SH2B2: variants seen among roughly 807,000 people sequenced by gnomAD.
SH2B2 encodes the protein SH2B adapter protein 2.
A neutral mutation model predicts 35.7 loss-of-function variants in SH2B2; 37 were observed. That is an observed-to-expected ratio of 1.04 (90% confidence interval 0.80 to 1.36). The LOEUF (loss-of-function observed/expected upper bound fraction) is 1.36, where lower values mean the gene tolerates loss of function less well. SH2B2 is among the 40% of genes most tolerant of loss of function. The probability of loss-of-function intolerance (pLI) is 0.00; values close to 1 mark genes in which losing one functional copy is unlikely to be tolerated. For synonymous variants in SH2B2, 383 were observed against 376.4 expected (o/e 1.02, Z -0.20); for missense variants, 852 against 817.7 (o/e 1.04, Z -0.51).
intron 7 of SH2B2, among the ~76,000 whole-genome samples, chr7:102,318,946 A>G (rs1793957680): frequency 6.6e-6 from 1 of 152,152 alleles, no homozygotes. Context: ...GGATGGGGGA[A>G]CAAAGGGTGG....
At chr7:102,293,471 A>G (rs375272565) in intron 1 of SH2B2, among the ~76,000 whole-genome samples, 5 of 138,700 alleles carry the variant, frequency 3.6e-5, no homozygotes, top group African/African-American at 6.4e-5. Flanking sequence ...AGAGATGGGG[A>G]AAAAAAAAAC....
chr7:102,295,633 T>C (rs1554552416), intron 1 of SH2B2, among the ~76,000 whole-genome samples: 1 of 152,136 alleles, frequency 6.6e-6, no homozygotes, highest in Admixed American at 6.5e-5. Flanking sequence ...ACCCTATAAC[T>C]GGCACCATGC....
At chr7:102,293,899 AG>A (rs1792796432) in intron 1 of SH2B2, among the ~76,000 whole-genome samples, 1 of 152,112 alleles carries the variant, frequency 6.6e-6, no homozygotes, top group Non-Finnish European at 1.5e-5. Context: ...GCACCAACTC[AG>A]CTGGTCTGTT....
At position 102,317,403 on chromosome 7, in the gene SH2B2, T is replaced by TGTGGGGGGCGCC. The variant is rs1306284269; in HGVS notation, c.1395+9_1395+20dup. On this transcript the variant is annotated intron_variant, in intron 7 of 8. Transcript: ENST00000444095. ...TTCCAGGGCAAGGCCAAGGCAAGTG[T>TGTGGGGGGCGCC]GTGGGGGGCGCCATGGGGGTGCAGT... 6 of 1,555,730 alleles carry TGTGGGGGGCGCC rather than the reference T, an allele frequency of 3.9e-6. No homozygotes were observed. Among genetic ancestry groups the TGTGGGGGGCGCC allele is most frequent in the Non-Finnish European group, 4.4e-6 (5 of 1,143,378 alleles).
chr7:102,307,345 C>G (rs892383449), intron 3 of SH2B2, among the ~76,000 whole-genome samples: 1 of 152,176 alleles, frequency 6.6e-6, no homozygotes, highest in Non-Finnish European at 1.5e-5. Flanking sequence ...TCTGAGGACA[C>G]GGCTCCAGGC....
intron 4 of SH2B2, chr7:102,309,319 CT>C: frequency 2.7e-6 from 1 of 364,496 alleles, no homozygotes; most frequent in Non-Finnish European, 5.4e-6. Context: ...CAAGACCAGC[CT>C]GGGCAACATA....
In SH2B2 at chr7:102,301,025, G is replaced by T; in HGVS notation, c.475G>T (p.Glu159Ter). ...CATGTGGCACCGGCGCGCCTCGCCC[G>T]AGCCCGACGCGGCAGCTGCCCCGCG... ...RDMWHRRASP[E>*]PDAAAAPRTA... The change falls in exon 2 of 9, where the codon GAG (glutamate) becomes TAG (stop). Residue 159 changes from glutamate to a stop codon, truncating the protein, a stop_gained. Coordinates refer to ENST00000444095, the MANE Select transcript of SH2B2 (RefSeq NM_001359228.2). LOFTEE classifies it high-confidence loss of function. The T allele has an allele frequency of 7.2e-7, 1 of 1,387,736 alleles. No individual in the cohort carries two copies. The highest frequency in any genetic ancestry group is 1.5e-5 in the South Asian group (1 of 66,218). The allele number at this position is 1,387,736 out of a possible 1,614,324, so 86.0% of individuals were successfully genotyped here. A position where few individuals can be genotyped will look rare whatever the true frequency, so the allele number is the denominator to read the frequency against.
At position 102,308,782 on chromosome 7, in the gene SH2B2, G is replaced by A. The variant is rs370544505; in HGVS notation, c.832-33G>A. Reference sequence around the variant, plus strand: ...GTGGTCTGGAGCCCATCTGCTGACCGTGTTCTGCACTCCCGGCCACCTTCC... The same window carrying A: ...GTGGTCTGGAGCCCATCTGCTGACCATGTTCTGCACTCCCGGCCACCTTCC... On this transcript the variant is annotated intron_variant, in intron 3 of 8. Coordinates refer to ENST00000444095, the MANE Select transcript of SH2B2 (RefSeq NM_001359228.2). The A allele has an allele frequency of 6.4e-5, 99 of 1,535,608 alleles. 1 individual carries two copies. Among genetic ancestry groups the A allele is most frequent in the Non-Finnish European group, 8.0e-5 (89 of 1,109,138 alleles).
intron 8 of SH2B2, among the ~76,000 whole-genome samples, chr7:102,320,979 G>A (rs1322076287): frequency 1.4e-5 from 2 of 146,396 alleles, no homozygotes; most frequent in African/African-American, 5.6e-5. Context: ...GCGTGTGTGC[G>A]CATATGCATG....
In SH2B2 at chr7:102,317,646, C is replaced by T. The variant is rs549366872; in HGVS notation, c.1395+251C>T. ...TCCAGAAGGGGAGGCCACCTACTGG[C>T]GGCTGAGCCCTCAGGAGGCTGGGCC... On this transcript the variant is annotated intron_variant, in intron 7 of 8. Coordinates refer to ENST00000444095, the MANE Select transcript of SH2B2 (RefSeq NM_001359228.2). Among the ~76,000 whole-genome samples, 331 of 152,318 alleles carry T rather than the reference C, an allele frequency of 2.2e-3. 1 individual carries two copies. Among genetic ancestry groups the T allele is most frequent in the African/African-American group, 7.4e-3 (307 of 41,582 alleles).
chr7:102,315,931 C>T (rs1393051759), intron 6 of SH2B2, among the ~76,000 whole-genome samples: 40 of 151,660 alleles, frequency 2.6e-4, no homozygotes, highest in Admixed American at 2.6e-3. Flanking sequence ...AGCTCTGTGC[C>T]TCAGTTTACC....
chr7:102,310,146 T>C (rs1387021279), intron 4 of SH2B2, among the ~76,000 whole-genome samples: 3 of 151,880 alleles, frequency 2.0e-5, no homozygotes, highest in Non-Finnish European at 4.4e-5. Flanking sequence ...TGAAAACCCA[T>C]CTCTACTAAA....
chr7:102,317,270 C>G lies in SH2B2; in HGVS notation c.1270C>G (p.Arg424Gly). The change falls in exon 7 of 9, where the codon CGG becomes GGG. Residue 424 changes from arginine to glycine, a missense_variant. This residue lies in a region of SH2B2 where 556 missense variants were observed against 514.5 expected (regional missense o/e 1.08). Transcript: ENST00000444095. Reference sequence around the variant, plus strand: ...CCCATGGTTCCACGGGACACTGTCCCGGGTCAAGGCTGCTCAACTGGTTCT... The same window carrying G: ...CCCATGGTTCCACGGGACACTGTCCGGGGTCAAGGCTGCTCAACTGGTTCT... ...DYPWFHGTLS[R>G]VKAAQLVLAG... The G allele has an allele frequency of 6.2e-7, 1 of 1,613,626 alleles. No individual in the cohort carries two copies. Among genetic ancestry groups the G allele is most frequent in the Non-Finnish European group, 8.5e-7 (1 of 1,179,688 alleles).
intron 4 of SH2B2, among the ~76,000 whole-genome samples, chr7:102,309,806 A>G (rs1793548229): frequency 6.6e-6 from 1 of 152,212 alleles, no homozygotes; most frequent in Non-Finnish European, 1.5e-5. Flanking sequence ...TGCCAGGCAG[A>G]GGAAGATGGG....
chr7:102,308,778 G>A, intron 3 of SH2B2, 37 bp from the exon 4 acceptor site: 1 of 1,516,598 alleles, frequency 6.6e-7, no homozygotes. Context: ...CCCATCTGCT[G>A]ACCGTGTTCT....
At chr7:102,301,810 T>C (rs1217896608) in intron 2 of SH2B2, among the ~76,000 whole-genome samples, 1 of 152,130 alleles carries the variant, frequency 6.6e-6, no homozygotes, top group Non-Finnish European at 1.5e-5. Flanking sequence ...TTACCTCAAG[T>C]GATCTGCTTG....
chr7:102,315,121 G>A lies in SH2B2; in HGVS notation c.1186+439G>A, dbSNP rs79030275. Among the ~76,000 whole-genome samples the A allele has an allele frequency of 1.7e-3, 264 of 151,786 alleles. 5 individuals carry two copies. In the East Asian group the frequency reaches 0.039, roughly 22 times the overall value. On this transcript the variant is annotated intron_variant, in intron 6 of 8. Coordinates refer to ENST00000444095, the MANE Select transcript of SH2B2 (RefSeq NM_001359228.2). ...GGAAAATCACTTGAACCCGGGAGGC[G>A]GAGGTTGCAGTGAGCCAAGATCACG...
At chr7:102,320,792 T>C (rs924791237) in intron 8 of SH2B2, among the ~76,000 whole-genome samples, 16 of 151,774 alleles carry the variant, frequency 1.1e-4, no homozygotes, top group South Asian at 4.2e-4. Context: ...GGGGTGTGGA[T>C]TGGGGCAAGT....
intron 1 of SH2B2, among the ~76,000 whole-genome samples, chr7:102,299,515 G>A (rs2132945937): frequency 6.6e-6 from 1 of 152,168 alleles, no homozygotes; most frequent in South Asian, 2.1e-4. Context: ...TTTTGGAAAT[G>A]ACTGGGCTCC....
Sources: gnomAD v4.1 joint callset for allele counts (sites outside exome capture counted in the v4.1 genomes callset) on GRCh38, gnomAD v4.1.1 for gene constraint, gnomAD v4.1.1 regional missense constraint, MANE v1.5 for transcripts, NCBI Gene and HGNC (gene_info 2026-07-23, HGNC 2026-07-21) for gene names.